Variants in UNKL observed in about 807,000 individuals in gnomAD.
UNKL encodes the protein unk like zinc finger.
A neutral mutation model predicts 78.0 loss-of-function variants in UNKL; 60 were observed. That is an observed-to-expected ratio of 0.77 (90% CI 0.63 to 0.95). The LOEUF (loss-of-function observed/expected upper bound fraction) is 0.95, where lower values mean the gene tolerates loss of function less well. UNKL is among the 40% of genes least tolerant of loss of function. The probability of loss-of-function intolerance (pLI) is 0.00; values close to 1 mark genes in which losing one functional copy is unlikely to be tolerated. For missense variants in UNKL, 1,159 were observed against 1,045.7 expected, an observed-to-expected ratio of 1.11 and a Z score of -1.49; for synonymous variants, 608 against 474.8, an observed-to-expected ratio of 1.28 and a Z score of -3.65.
At chr16:1,377,491 C>A (rs188288548) in intron 10 of UNKL, among the ~76,000 whole-genome samples, 2 of 151,224 alleles carry the variant, frequency 1.3e-5, no homozygotes, top group East Asian at 1.9e-4. Context: ...AGAAAGGAGA[C>A]CCCCCCTCTG....
At chr16:1,398,762 AAGG>A (rs1596743008) in intron 5 of UNKL, 2 of 1,355,268 alleles carry the variant, frequency 1.5e-6, no homozygotes, top group Non-Finnish European at 1.9e-6. Context: ...GGGCTGGAGC[AAGG>A]AGGAGAAAGG....
rs764439921 is a variant in UNKL, at chr16:1,401,587, G to A, written c.579C>T (p.Ser193=). The change falls in exon 4 of 15, where the codon AGC becomes AGT. Residue 193 remains serine, a synonymous_variant. Coordinates refer to ENST00000389221, the MANE Select transcript of UNKL (RefSeq NM_001372107.1). Reference sequence around the variant, plus strand: ...AGTTACCTTGCCACCGGGGGTCCTCGCTCAGGATCTTCTCAATCATGGCCT... The same window carrying A: ...AGTTACCTTGCCACCGGGGGTCCTCACTCAGGATCTTCTCAATCATGGCCT... ...ASQAMIEKIL[S]EDPRWQDANF... is the part of the protein sequence containing the mutation. The A allele has an allele frequency of 1.1e-5, 18 of 1,593,446 alleles. No individual in the cohort carries two copies. The highest frequency in any genetic ancestry group is 1.1e-4 in the East Asian group (5 of 44,298).
Position 1,367,087 on chromosome 16 carries a change from C to A in UNKL, c.2046+5G>T. On this transcript the variant is annotated splice_donor_5th_base_variant and intron_variant, in intron 14 of 14. Coordinates refer to ENST00000389221, the MANE Select transcript of UNKL (RefSeq NM_001372107.1). Reference sequence around the variant, plus strand: ...GCCCCTCACCCTGCCCAGAGCAGGACTCACGCCGTCCACCGCCTCCAGGTC... The same window carrying A: ...GCCCCTCACCCTGCCCAGAGCAGGAATCACGCCGTCCACCGCCTCCAGGTC... 2 of 1,544,972 alleles carry A rather than the reference C, an allele frequency of 1.3e-6. No homozygotes were observed. Among genetic ancestry groups the A allele is most frequent in the South Asian group, 1.2e-5 (1 of 81,618 alleles).
intron 10 of UNKL, among the ~76,000 whole-genome samples, chr16:1,376,114 C>A (rs1176220022): frequency 1.3e-5 from 2 of 149,952 alleles, no homozygotes; most frequent in African/African-American, 4.9e-5. Context: ...CACTCCAAGG[C>A]TGGGGCACGC....
At chr16:1,379,789 T>A (rs2036525933) in intron 10 of UNKL, 2 of 778,196 alleles carry the variant, frequency 2.6e-6, no homozygotes, top group South Asian at 1.2e-4. Context: ...CCCCCAACCT[T>A]CCCCCCGACT....
chr16:1,383,590 T>G (rs1249128246), intron 10 of UNKL: 9 of 362,292 alleles, frequency 2.5e-5, no homozygotes, highest in Non-Finnish European at 5.2e-5. Context: ...CTGGGAAGAG[T>G]CTCTCTCTCC....
intron 11 of UNKL, among the ~76,000 whole-genome samples, chr16:1,371,082 C>CAAAAAAA (rs764163064): frequency 2.9e-5 from 2 of 67,972 alleles, no homozygotes; most frequent in African/African-American, 8.8e-5. Flanking sequence ...GGCTCTGTCT[C>CAAAAAAA]AAAAAAAAAA....
At position 1,399,540 on chromosome 16, in the gene UNKL, G is replaced by C. The variant is rs1385843755; in HGVS notation, c.599-31C>G. 6.4e-7 allele frequency: 1 copy of C among 1,572,002 alleles called. No individual in the cohort carries two copies. Among genetic ancestry groups the C allele is most frequent in the East Asian group, 2.4e-5 (1 of 42,378 alleles). ...AAATGGGCCACACGGTGCCTGAGCA[G>C]CGCGACTGGAAGCAATGCTGGGCAG... On this transcript the variant is annotated intron_variant, in intron 4 of 14. Coordinates refer to ENST00000389221, the MANE Select transcript of UNKL (RefSeq NM_001372107.1). This position sits in a 1 kb window ranked among gnomAD's most constrained non-coding sequence, Gnocchi z 5.8.
intron 2 of UNKL, among the ~76,000 whole-genome samples, chr16:1,410,091 A>T (rs1175941389): frequency 6.6e-6 from 1 of 152,114 alleles, no homozygotes; most frequent in Non-Finnish European, 1.5e-5. Flanking sequence ...TCTCCAAAAA[A>T]AGAAACAGTT....
chr16:1,406,236 A>G (rs1398495380), intron 2 of UNKL, among the ~76,000 whole-genome samples: 3 of 147,214 alleles, frequency 2.0e-5, no homozygotes, highest in Non-Finnish European at 4.5e-5. Context: ...TTTTTTTGAG[A>G]CAGAGTCTCA....
At chr16:1,392,744 G>A in intron 8 of UNKL, 147 bp downstream of exon 8, 1 of 984,282 alleles carries the variant, frequency 1.0e-6, no homozygotes, top group East Asian at 2.6e-5. Context: ...CTAGTGGCAA[G>A]GATTTTTCTA....
chr16:1,404,834 C>T (rs904109474), intron 2 of UNKL, among the ~76,000 whole-genome samples: 13 of 152,052 alleles, frequency 8.5e-5, no homozygotes, highest in Non-Finnish European at 1.3e-4. Flanking sequence ...ACAGGGTAAA[C>T]GTGGGCTTCT....
chr16:1,393,088 A>G, intron 7 of UNKL, 112 bp from the exon 8 acceptor site: 1 of 1,154,868 alleles, frequency 8.7e-7, no homozygotes, highest in South Asian at 1.3e-5. Flanking sequence ...CGTCACAATC[A>G]TCCCTCAGGG....
At chr16:1,414,439 G>A (rs909760646) in intron 1 of UNKL, among the ~76,000 whole-genome samples, 176 bp downstream of exon 1, 7 of 151,754 alleles carry the variant, frequency 4.6e-5, no homozygotes, top group African/African-American at 1.7e-4. Flanking sequence ...GACCATGGGC[G>A]CCGCGCTCCG....
intron 2 of UNKL, among the ~76,000 whole-genome samples, chr16:1,409,387 G>A (rs1054193739): frequency 5.8e-4 from 70 of 120,566 alleles, no homozygotes; most frequent in Middle Eastern, 3.5e-3. Flanking sequence ...CACTCCCGTG[G>A]AATGAAGGAT....
chr16:1,382,826 C>T (rs749375750), intron 10 of UNKL, among the ~76,000 whole-genome samples: 61 of 151,964 alleles, frequency 4.0e-4, no homozygotes, highest in Non-Finnish European at 8.1e-4. Flanking sequence ...GGTGTGGTGG[C>T]AGGCGCCTAT....
chr16:1,403,209 C>G lies in UNKL; in HGVS notation c.423G>C (p.Ala141=), dbSNP rs751332980. 1 of 1,613,786 alleles carries G rather than the reference C, an allele frequency of 6.2e-7. No individual in the cohort carries two copies. Among genetic ancestry groups the G allele is most frequent in the Non-Finnish European group, 8.5e-7 (1 of 1,179,914 alleles). Residue 141 remains alanine, a synonymous_variant, in exon 3 of 15, where the codon GCG becomes GCC. Transcript: ENST00000389221. This position sits in a 1 kb window ranked among gnomAD's most constrained non-coding sequence, Gnocchi z 4.8. The part of the protein sequence containing the change: ...CVKNGLHCAF[A]HGPLDLRPPV... ...GCGGCCGCAGGTCCAGGGGGCCGTG[C>G]GCGAAGGCACAGTGCAGCCCATTCT...
At chr16:1,390,611 G>C in intron 9 of UNKL, 21 bp downstream of exon 9, 1 of 1,535,686 alleles carries the variant, frequency 6.5e-7, no homozygotes, top group Non-Finnish European at 8.7e-7. Context: ...CACGAGGGTG[G>C]GAAACCTTGG....
rs1213957594 is a variant in UNKL at position 1,403,243 on chromosome 16, T to C, written c.389A>G (p.His130Arg). ...TCIHETDARGHCVKNGLHCAF... is the reference protein window; with the variant it reads ...TCIHETDARGRCVKNGLHCAF... Reference sequence around the variant, plus strand: ...ACAGTGCAGCCCATTCTTCACGCAGTGGCCACGTGCGTCTGTCTCGTGGAT... The same window carrying C: ...ACAGTGCAGCCCATTCTTCACGCAGCGGCCACGTGCGTCTGTCTCGTGGAT... Residue 130 changes from histidine (H) to arginine (R), a missense_variant, in exon 3 of 15, where the codon CAC (histidine) becomes CGC (arginine). By Grantham distance (29) the His-to-Arg change is conservative. Transcript: ENST00000389221. This position sits in a 1 kb window ranked among gnomAD's most constrained non-coding sequence, Gnocchi z 4.8. 1.9e-6 allele frequency: 3 copies of C among 1,614,166 alleles called. No homozygotes were observed. Among genetic ancestry groups the C allele is most frequent in the Non-Finnish European group, 2.5e-6 (3 of 1,180,008 alleles).
Sources: gnomAD v4.1 joint callset for allele counts (sites outside exome capture counted in the v4.1 genomes callset) on GRCh38, gnomAD v4.1.1 for gene constraint, Gnocchi (gnomAD v3.1) non-coding constraint, MANE v1.5 for transcripts, NCBI Gene and HGNC (gene_info 2026-07-23, HGNC 2026-07-21) for gene names.